SEC14L4: variants seen among roughly 807,000 people sequenced by gnomAD.
SEC14L4 encodes SEC14 like lipid binding 4.
Under a neutral mutation model 55.1 loss-of-function variants are expected in SEC14L4, and 42 were observed. The ratio of observed to expected loss-of-function variants is 0.76; its 90% CI spans 0.60 to 0.99. The LOEUF (loss-of-function observed/expected upper bound fraction) is 0.99, where lower values mean the gene tolerates loss of function less well. SEC14L4 is among the 50% of genes least tolerant of loss of function. The pLI is 0.00. For synonymous variants in SEC14L4, 206 were observed against 206.8 expected (o/e 1.00, Z 0.03); for missense variants, 445 against 512.1 (o/e 0.87, Z 1.27).
At chr22:30,493,363 C>T (rs78296405) in intron 7 of SEC14L4, among the ~76,000 whole-genome samples, 9,730 of 152,236 alleles carry the variant, frequency 0.064, 396 homozygotes, top group South Asian at 0.095. Flanking sequence ...CATTTAACCT[C>T]ATAGTTATCT....
intron 11 of SEC14L4, among the ~76,000 whole-genome samples, chr22:30,490,828 C>T (rs1601840517): frequency 6.6e-6 from 1 of 152,110 alleles, no homozygotes; most frequent in African/African-American, 2.4e-5. Flanking sequence ...TTCCTTTATC[C>T]AGATGTCCCA....
rs887361164 is a variant in SEC14L4, at chr22:30,489,233, G to C, written c.*874C>G. On this transcript the variant is annotated 3_prime_UTR_variant, in exon 12 of 12. Coordinates refer to ENST00000255858, the MANE Select transcript of SEC14L4 (RefSeq NM_174977.4). ...CATGTCCAATGTTCTTTCTTTATTT[G>C]TTTGTTTGTTTGTTTGTTTGTTTAG... 6.9e-6 allele frequency: 1 copy of C among 145,128 alleles called. No individual in the cohort carries two copies. Among genetic ancestry groups the C allele is most frequent in the African/African-American group, 3.0e-5 (1 of 33,680 alleles). 9.0% of individuals were successfully genotyped at this position (145,128 alleles called of 1,614,324 possible).
At chr22:30,493,083 C>CAA (rs10593638) in intron 7 of SEC14L4, among the ~76,000 whole-genome samples, 5 of 80,420 alleles carry the variant, frequency 6.2e-5, no homozygotes, top group Admixed American at 1.3e-4. Context: ...GATTCCATCT[C>CAA]AAAAAAAAAA....
chr22:30,494,264 T>G, intron 6 of SEC14L4, 54 bp from the exon 7 acceptor site: 1 of 1,388,028 alleles, frequency 7.2e-7, no homozygotes, highest in South Asian at 1.2e-5. Flanking sequence ...CTCCCGCCCA[T>G]GGGTTTCTGT....
At chr22:30,494,386 G>A (rs911237910) in intron 6 of SEC14L4, among the ~76,000 whole-genome samples, 176 bp from the exon 7 acceptor site, 4 of 151,974 alleles carry the variant, frequency 2.6e-5, no homozygotes, top group African/African-American at 4.8e-5. Flanking sequence ...ATTTGTTCTC[G>A]AGACAGGGTC....
chr22:30,492,058 G>C lies in SEC14L4; in HGVS notation c.762C>G (p.Cys254Trp). The C allele has an allele frequency of 6.2e-7, 1 of 1,613,826 alleles. No homozygotes were observed. The highest frequency in any genetic ancestry group is 1.7e-4 in the Middle Eastern group (1 of 6,044). The change falls in exon 9 of 12, where the codon TGC (cysteine) becomes TGG (tryptophan). Residue 254 changes from cysteine (C) to tryptophan (W), a missense_variant. Physicochemically the swap from Cys to Trp is radical, Grantham distance 215 (BLOSUM62 -2). Coordinates refer to ENST00000255858, the MANE Select transcript of SEC14L4 (RefSeq NM_174977.4). ...TMTDPDGNPK[C>W]LTKINYGGEV... is the part of the protein sequence containing the mutation. ...TCTGGGCACCCTGTACCTTGGTCAG[G>C]CACTTGGGGTTGCCATCGGGGTCAG...
chr22:30,503,064 A>G (rs1008680038), intron 2 of SEC14L4, among the ~76,000 whole-genome samples: 10 of 152,284 alleles, frequency 6.6e-5, no homozygotes, highest in Admixed American at 3.3e-4. Flanking sequence ...ATCTGCCCCA[A>G]GGGCTGGCCA....
Position 30,491,633 on chromosome 22 carries a change from G to T in SEC14L4, c.1021C>A (p.Arg341Ser). ...TCAGGCACCATGTGGGCATTGTAGC[G>T]CTGGCTGGGCAGCACCTCCGTCATC... ...REMTEVLPSQ[R>S]YNAHMVPEDG... is the part of the protein sequence containing the mutation. The change falls in exon 11 of 12, where the codon CGC (arginine) becomes AGC (serine). Residue 341 changes from arginine (R) to serine (S), a missense_variant. By Grantham distance (110) the Arg-to-Ser change is moderately radical. Coordinates refer to ENST00000255858, the MANE Select transcript of SEC14L4 (RefSeq NM_174977.4). 1 of 1,614,158 alleles carries T rather than the reference G, an allele frequency of 6.2e-7. No individual in the cohort carries two copies. The highest frequency in any genetic ancestry group is 8.5e-7 in the Non-Finnish European group (1 of 1,180,016).
chr22:30,500,754 ATTTT>A (rs531954470), intron 2 of SEC14L4, among the ~76,000 whole-genome samples: 9 of 79,508 alleles, frequency 1.1e-4, no homozygotes, highest in African/African-American at 2.6e-4. Flanking sequence ...TGAGAACAGA[ATTTT>A]TTTTTTTTTT....
chr22:30,490,144 T>G lies in SEC14L4; in HGVS notation c.1184A>C (p.Gln395Pro). ...LPDKASEETLQSLKAMRPSPT... is the reference protein window; with the variant it reads ...LPDKASEETLPSLKAMRPSPT... ...GGAGGGTCTCATCGCCTTGAGACTCTGCAGCGTCTCCTCAGAGGCCTTGTC... is the reference window on the plus strand; with the variant it reads ...GGAGGGTCTCATCGCCTTGAGACTCGGCAGCGTCTCCTCAGAGGCCTTGTC... Residue 395 changes from glutamine (Q) to proline (P), a missense_variant, in exon 12 of 12, where the codon CAG becomes CCG. Gln to Pro is a moderately conservative substitution (Grantham distance 76). Coordinates refer to ENST00000255858, the MANE Select transcript of SEC14L4 (RefSeq NM_174977.4). 1 of 1,614,176 alleles carries G rather than the reference T, an allele frequency of 6.2e-7. No homozygotes were observed. Among genetic ancestry groups the G allele is most frequent in the Middle Eastern group, 1.6e-4 (1 of 6,062 alleles).
intron 2 of SEC14L4, among the ~76,000 whole-genome samples, chr22:30,500,981 G>A (rs1238735711): frequency 6.6e-6 from 1 of 151,458 alleles, no homozygotes; most frequent in Non-Finnish European, 1.5e-5. Context: ...GGATCATTTT[G>A]GGTCCAGGAG....
intron 11 of SEC14L4, 167 bp downstream of exon 11, chr22:30,491,406 C>A (rs1404338702): frequency 1.4e-6 from 1 of 715,362 alleles, no homozygotes; most frequent in African/African-American, 1.8e-5. Context: ...CAATGAATCT[C>A]TGCCCTCATA....
At position 30,502,240 on chromosome 22, in the gene SEC14L4, T is replaced by C. The variant is rs1047128478; in HGVS notation, c.130+1437A>G. 1.1e-4 allele frequency among the ~76,000 whole-genome samples: 17 copies of C among 152,166 alleles called. 1 individual carries two copies. The highest frequency in any genetic ancestry group is 2.9e-5 in the Non-Finnish European group (2 of 68,032). On this transcript the variant is annotated intron_variant, in intron 2 of 11. Coordinates refer to ENST00000255858, the MANE Select transcript of SEC14L4 (RefSeq NM_174977.4). Reference sequence around the variant, plus strand: ...GGAAGAATTAGTCCCTGGTAGGGACTTCCTTTTCTCAGGTACTGTGTGCAT... The same window carrying C: ...GGAAGAATTAGTCCCTGGTAGGGACCTCCTTTTCTCAGGTACTGTGTGCAT...
chr22:30,492,341 G>T, intron 8 of SEC14L4, 133 bp downstream of exon 8: 2 of 1,114,234 alleles, frequency 1.8e-6, no homozygotes, highest in Non-Finnish European at 1.3e-6. Flanking sequence ...CATTGCCCGT[G>T]CGTGTGGAGG....
chr22:30,501,540 G>A (rs963021751), intron 2 of SEC14L4, among the ~76,000 whole-genome samples: 3 of 152,158 alleles, frequency 2.0e-5, no homozygotes, highest in South Asian at 4.1e-4. Flanking sequence ...AATAGAAAGT[G>A]CCACAGCCAA....
At chr22:30,504,334 C>T (rs1055382334) in intron 1 of SEC14L4, among the ~76,000 whole-genome samples, 7 of 151,832 alleles carry the variant, frequency 4.6e-5, no homozygotes, top group Admixed American at 4.6e-4. Flanking sequence ...GGATCACAGG[C>T]GTGAGCCACC....
chr22:30,503,893 A>T (rs1033874982), intron 1 of SEC14L4, 141 bp from the exon 2 acceptor site: 2 of 570,134 alleles, frequency 3.5e-6, no homozygotes, highest in Non-Finnish European at 6.1e-6. Flanking sequence ...CGACTTTGCC[A>T]TCTGAAAATA....
In SEC14L4 at chr22:30,490,091, G is replaced by T. The variant is rs1935900833; in HGVS notation, c.*16C>A. 6.2e-7 allele frequency: 1 copy of T among 1,612,664 alleles called. No individual in the cohort carries two copies. The highest frequency in any genetic ancestry group is 1.3e-5 in the African/African-American group (1 of 74,936). On this transcript the variant is annotated 3_prime_UTR_variant, in exon 12 of 12. Transcript: ENST00000255858. The stretch of plus-strand genomic sequence containing the variant: ...GTGAAGGGGTTGGAGTGCACAGGTA[G>T]AGGTGGCTGGGGTCTTCACTGTGTT...
intron 2 of SEC14L4, among the ~76,000 whole-genome samples, chr22:30,503,285 A>G (rs1294954201): frequency 1.3e-5 from 2 of 148,392 alleles, no homozygotes; most frequent in Non-Finnish European, 3.0e-5. Context: ...TTTTTTTGAG[A>G]CGGAGCTTCA....
Sources: allele counts gnomAD v4.1 joint callset (sites outside exome capture counted in the v4.1 genomes callset), GRCh38; gene constraint gnomAD v4.1.1; transcripts MANE v1.5; gene names NCBI Gene and HGNC (gene_info 2026-07-23, HGNC 2026-07-21).